Variants in KCNH8 observed in about 807,000 individuals in gnomAD.
The protein encoded by KCNH8 is voltage-gated delayed rectifier potassium channel KCNH8.
Under a neutral mutation model 103.6 loss-of-function variants are expected in KCNH8, and 70 were observed. The observed-to-expected ratio is 0.68, with a 90% CI of 0.56 to 0.82. The LOEUF (loss-of-function observed/expected upper bound fraction) is 0.82. Ranked by LOEUF, KCNH8 falls within the 40% of genes least tolerant of loss-of-function variation. The probability of loss-of-function intolerance (pLI) is 0.00; values close to 1 mark genes in which losing one functional copy is unlikely to be tolerated. For missense variants in KCNH8, 1,217 were observed against 1,329.9 expected (o/e 0.92, Z 1.32); for synonymous variants, 498 against 489.4 (o/e 1.02, Z -0.23).
At chr3:19,521,872 A>G (rs1374282138) in intron 15 of KCNH8, among the ~76,000 whole-genome samples, 1 of 151,960 alleles carries the variant, frequency 6.6e-6, no homozygotes, top group Non-Finnish European at 1.5e-5. Context: ...CCATTACCTG[A>G]TATTACAATA....
At chr3:19,153,464 A>G (rs1017787242) in intron 1 of KCNH8, among the ~76,000 whole-genome samples, 1 of 152,250 alleles carries the variant, frequency 6.6e-6, no homozygotes, top group East Asian at 1.9e-4. Context: ...GCAAAGGACA[A>G]AAAGTCTTTA....
In KCNH8 at chr3:19,388,384, A is replaced by G. The variant is rs137867371; in HGVS notation, c.812-2097A>G. Among the ~76,000 whole-genome samples, 6 of 152,252 alleles carry G rather than the reference A, an allele frequency of 3.9e-5. No individual in the cohort carries two copies. The East Asian group carries it at 1.2e-3, about 30-fold the overall frequency. ...TGCTAATGCGGAAGTACCTGAGCCT[A>G]GAAAAATAAAGAGGAAGAATGAATG... On this transcript the variant is annotated intron_variant, in intron 5 of 15. Transcript: ENST00000328405.
chr3:19,339,747 C>T (rs950942366), intron 3 of KCNH8, among the ~76,000 whole-genome samples: 7 of 151,904 alleles, frequency 4.6e-5, no homozygotes, highest in African/African-American at 4.8e-5. Context: ...TAGACTTTTG[C>T]GGTGAATTAA....
intron 1 of KCNH8, among the ~76,000 whole-genome samples, chr3:19,167,942 C>T (rs915001573): frequency 5.9e-5 from 9 of 151,482 alleles, no homozygotes; most frequent in Non-Finnish European, 1.2e-4. Flanking sequence ...GTGGAGCAAC[C>T]GCCAAGGTCA....
intron 1 of KCNH8, among the ~76,000 whole-genome samples, chr3:19,242,633 G>A (rs2064156826): frequency 6.6e-6 from 1 of 152,088 alleles, no homozygotes; most frequent in South Asian, 2.1e-4. Flanking sequence ...TTCCCACACT[G>A]GAGCTGCGGA....
intron 11 of KCNH8, among the ~76,000 whole-genome samples, chr3:19,500,813 C>G (rs2068564312): frequency 6.6e-6 from 1 of 151,726 alleles, no homozygotes. Flanking sequence ...CACTAAATGC[C>G]CACAAGAGAA....
chr3:19,489,473 C>T (rs1305654230), intron 11 of KCNH8, among the ~76,000 whole-genome samples: 1 of 152,132 alleles, frequency 6.6e-6, no homozygotes, highest in Non-Finnish European at 1.5e-5. Flanking sequence ...TCTGGGTGCC[C>T]TGGCTTACAA....
At chr3:19,200,764 C>G (rs972696114) in intron 1 of KCNH8, among the ~76,000 whole-genome samples, 1 of 151,956 alleles carries the variant, frequency 6.6e-6, no homozygotes, top group Non-Finnish European at 1.5e-5. Flanking sequence ...CTTTAATACA[C>G]GAAGTTCTCC....
intron 1 of KCNH8, among the ~76,000 whole-genome samples, chr3:19,162,735 A>G (rs2063246399): frequency 6.6e-6 from 1 of 152,176 alleles, no homozygotes; most frequent in Non-Finnish European, 1.5e-5. Context: ...CAACATTACA[A>G]AGAATCATAT....
chr3:19,206,256 T>G (rs773902542), intron 1 of KCNH8, among the ~76,000 whole-genome samples: 1 of 148,964 alleles, frequency 6.7e-6, no homozygotes, highest in Non-Finnish European at 1.5e-5. Context: ...TATATATAGA[T>G]ATATATATAT....
rs2069218856 is a variant in KCNH8 at position 19,533,926 on chromosome 3, G to C, written c.3151G>C (p.Glu1051Gln). The change falls in exon 16 of 16, where the codon GAG (glutamate) becomes CAG (glutamine). Residue 1051 changes from glutamate (E) to glutamine (Q), a missense_variant. Physicochemically the swap from Glu to Gln is conservative, Grantham distance 29. Coordinates refer to ENST00000328405, the MANE Select transcript of KCNH8 (RefSeq NM_144633.3). Reference protein sequence around the residue: ...SLHLVLPSRSEEGSFSQGTVS... With the variant: ...SLHLVLPSRSQEGSFSQGTVS... The stretch of plus-strand genomic sequence containing the variant: ...GCACCTAGTTCTCCCAAGCAGATCA[G>C]AGGAGGGCAGCTTCAGTCAGGGAAC... 1.9e-6 allele frequency: 3 copies of C among 1,614,162 alleles called. No individual in the cohort carries two copies. Among genetic ancestry groups the C allele is most frequent in the Non-Finnish European group, 2.5e-6 (3 of 1,180,044 alleles).
intron 1 of KCNH8, among the ~76,000 whole-genome samples, chr3:19,175,949 TA>T (rs2125197659): frequency 6.6e-6 from 1 of 152,326 alleles, no homozygotes; most frequent in East Asian, 1.9e-4. Context: ...CCTCAATTAA[TA>T]AATTTCCAGC....
At chr3:19,522,684 C>CTGTT (rs1415489541) in intron 15 of KCNH8, among the ~76,000 whole-genome samples, 3 of 151,964 alleles carry the variant, frequency 2.0e-5, no homozygotes, top group East Asian at 3.9e-4. Flanking sequence ...CAAATGTCTT[C>CTGTT]TGTTTGTCAG....
At chr3:19,270,223 C>T (rs6789829) in intron 2 of KCNH8, among the ~76,000 whole-genome samples, 3,103 of 152,204 alleles carry the variant, frequency 0.02, 86 homozygotes, top group African/African-American at 0.068. Context: ...AGACCATATG[C>T]TCTGTAAAGC....
At chr3:19,284,911 GAAAGA>G (rs1475276460) in intron 3 of KCNH8, among the ~76,000 whole-genome samples, 12 of 149,070 alleles carry the variant, frequency 8.0e-5, no homozygotes, top group Admixed American at 2.0e-4. Context: ...GAAAAGGAAA[GAAAGA>G]AAAGAAAAGA....
chr3:19,513,385 G>C, intron 13 of KCNH8, 60 bp downstream of exon 13: 6 of 1,517,446 alleles, frequency 4.0e-6, no homozygotes, highest in Non-Finnish European at 5.3e-6. Flanking sequence ...ATACAGAGTA[G>C]TACCTGCCTT....
chr3:19,314,782 C>T (rs1344354628), intron 3 of KCNH8: 1 of 154,152 alleles, frequency 6.5e-6, no homozygotes, highest in Non-Finnish European at 1.5e-5. Flanking sequence ...CTCCTTCAAT[C>T]CTCTCCCAAT....
At chr3:19,373,245 C>T (rs1354673168) in intron 5 of KCNH8, among the ~76,000 whole-genome samples, 65 of 152,160 alleles carry the variant, frequency 4.3e-4, no homozygotes, top group East Asian at 9.6e-4. Context: ...TGGTCCTGGA[C>T]TCTTTTTGGT....
intron 11 of KCNH8, among the ~76,000 whole-genome samples, chr3:19,490,113 C>T (rs1471541653): frequency 1.3e-5 from 2 of 152,238 alleles, no homozygotes; most frequent in Non-Finnish European, 2.9e-5. Context: ...GGATCTGCAT[C>T]GCTCAAGCTG....
Sources: allele counts gnomAD v4.1 joint callset (sites outside exome capture counted in the v4.1 genomes callset), GRCh38; gene constraint gnomAD v4.1.1; transcripts MANE v1.5; gene names NCBI Gene and HGNC (gene_info 2026-07-23, HGNC 2026-07-21).